Variants in SNX9 observed in about 807,000 individuals in gnomAD.
The protein encoded by SNX9 is sorting nexin 9, also known as sorting nexin-9.
Under a neutral mutation model 89.4 loss-of-function variants are expected in SNX9, and 44 were observed. The ratio of observed to expected loss-of-function variants is 0.49; its 90% CI spans 0.39 to 0.63. SNX9 has a LOEUF of 0.63. Among genes scored for constraint, SNX9 ranks in the 30% least tolerant of loss-of-function variants. The pLI, the probability that SNX9 is intolerant of heterozygous loss-of-function variation, is 0.00. For synonymous variants in SNX9, 236 were observed against 247.8 expected, an observed-to-expected ratio of 0.95 and a Z score of 0.45; for missense variants, 578 against 736.1, an observed-to-expected ratio of 0.79 and a Z score of 2.49.
chr6:157,935,144 C>T (rs1486866285), intron 13 of SNX9, among the ~76,000 whole-genome samples: 1 of 152,200 alleles, frequency 6.6e-6, no homozygotes, highest in Non-Finnish European at 1.5e-5. Context: ...GAATTAAGCA[C>T]TTAACCTGCT....
intron 5 of SNX9, among the ~76,000 whole-genome samples, chr6:157,899,305 C>T (rs1185924746): frequency 1.3e-5 from 2 of 152,126 alleles, no homozygotes; most frequent in Non-Finnish European, 2.9e-5. Context: ...AGCTGCTTTT[C>T]AAAGTTCTGT....
chr6:157,929,939 A>G (rs1269648518), intron 12 of SNX9, among the ~76,000 whole-genome samples: 1 of 152,194 alleles, frequency 6.6e-6, no homozygotes, highest in East Asian at 1.9e-4. Flanking sequence ...CTTGCCACTT[A>G]TTTTGTAAAT....
intron 4 of SNX9, among the ~76,000 whole-genome samples, chr6:157,887,507 C>A (rs1384497486): frequency 6.6e-6 from 1 of 152,214 alleles, no homozygotes; most frequent in Non-Finnish European, 1.5e-5. Flanking sequence ...ACCACAGAGA[C>A]CGCCGAGCTT....
At chr6:157,827,013 G>C (rs1781377564) in intron 1 of SNX9, among the ~76,000 whole-genome samples, 1 of 22,308 alleles carries the variant, frequency 4.5e-5, no homozygotes, top group Non-Finnish European at 6.3e-5. Flanking sequence ...ATATATTATA[G>C]TTTATATAAT....
At chr6:157,880,413 A>T (rs1295133347) in intron 4 of SNX9, among the ~76,000 whole-genome samples, 14 of 151,066 alleles carry the variant, frequency 9.3e-5, no homozygotes, top group Non-Finnish European at 1.6e-4. Flanking sequence ...ATTCCCTTAT[A>T]AAGTGTCTCT....
At chr6:157,925,047 TTAGAC>T (rs1434489765) in intron 10 of SNX9, among the ~76,000 whole-genome samples, 1 of 152,142 alleles carries the variant, frequency 6.6e-6, no homozygotes, top group Non-Finnish European at 1.5e-5. Flanking sequence ...TGTGGATAAA[TTAGAC>T]TACATTAGAA....
chr6:157,902,421 G>A (rs886085355), intron 6 of SNX9, among the ~76,000 whole-genome samples: 6 of 152,088 alleles, frequency 3.9e-5, no homozygotes, highest in Non-Finnish European at 7.4e-5. Flanking sequence ...CTTGCCATGT[G>A]CCAGGCATTG....
rs1358823850 is a variant in SNX9 at position 157,851,501 on chromosome 6, C to T, written c.13-16046C>T. On this transcript the variant is annotated intron_variant, in intron 1 of 17. Transcript: ENST00000392185. ...TGCATTAAACAATAACTCCCCATTTCCCACTCCCTGTAGCCCCTGGTAACC... is the reference window on the plus strand; with the variant it reads ...TGCATTAAACAATAACTCCCCATTTTCCACTCCCTGTAGCCCCTGGTAACC... 5.9e-5 allele frequency among the ~76,000 whole-genome samples: 9 copies of T among 152,148 alleles called. No homozygotes were observed. The South Asian group carries it at 1.2e-3, about 21-fold the overall frequency.
At position 157,856,830 on chromosome 6, in the gene SNX9, T is replaced by C. The variant is rs536696610; in HGVS notation, c.13-10717T>C. ...ATTCACATTCTTTTTTTTTCAAGTA[T>C]ATTTCATAAGCAGGATTGTATTCCA... On this transcript the variant is annotated intron_variant, in intron 1 of 17. Coordinates refer to ENST00000392185, the MANE Select transcript of SNX9 (RefSeq NM_016224.5). Among the ~76,000 whole-genome samples the C allele has an allele frequency of 9.3e-4, 142 of 152,296 alleles. 1 individual carries two copies. Among genetic ancestry groups the C allele is most frequent in the Admixed American group, 1.0e-3 (16 of 15,298 alleles).
At chr6:157,895,195 A>T (rs929112216) in intron 4 of SNX9, among the ~76,000 whole-genome samples, 8 of 152,234 alleles carry the variant, frequency 5.3e-5, no homozygotes, top group African/African-American at 1.7e-4. Context: ...GAACTGTGGG[A>T]CACAGTTTGT....
intron 4 of SNX9, among the ~76,000 whole-genome samples, chr6:157,882,673 A>G (rs544319480): frequency 6.6e-6 from 1 of 152,204 alleles, no homozygotes; most frequent in Non-Finnish European, 1.5e-5. Context: ...TGAAGGAAGT[A>G]ACTGCAGATG....
chr6:157,901,973 C>T lies in SNX9; in HGVS notation c.548C>T (p.Ser183Leu). The T allele has an allele frequency of 6.2e-7, 1 of 1,613,638 alleles. No individual in the cohort carries two copies. The highest frequency in any genetic ancestry group is 1.7e-4 in the Middle Eastern group (1 of 6,060). ...KSSSYFKDSESADAGGAQRGN... is the reference protein window; with the variant it reads ...KSSSYFKDSELADAGGAQRGN... ...TCTTCCTACTTTAAGGATTCAGAGTCAGCTGATGCAGGCGGCGCTCAGCGA... is the reference window on the plus strand; with the variant it reads ...TCTTCCTACTTTAAGGATTCAGAGTTAGCTGATGCAGGCGGCGCTCAGCGA... Residue 183 changes from serine (S) to leucine (L), a missense_variant, in exon 6 of 18, where the codon TCA (serine) becomes TTA (leucine). Physicochemically the swap from Ser to Leu is moderately radical, Grantham distance 145 (BLOSUM62 -2). Around this residue, in one of 2 missense-constraint regions of SNX9, gnomAD observed 230 missense variants for 244.7 expected, o/e 0.94. Coordinates refer to ENST00000392185, the MANE Select transcript of SNX9 (RefSeq NM_016224.5).
chr6:157,868,396 G>C (rs1782311531), intron 2 of SNX9, among the ~76,000 whole-genome samples: 1 of 152,012 alleles, frequency 6.6e-6, no homozygotes, highest in Non-Finnish European at 1.5e-5. Context: ...TATATAACTG[G>C]GTTTATTATG....
intron 1 of SNX9, among the ~76,000 whole-genome samples, chr6:157,828,194 T>C (rs1781417094): frequency 7.1e-6 from 1 of 141,624 alleles, no homozygotes; most frequent in East Asian, 1.9e-4. Flanking sequence ...TAGTATTTTC[T>C]ATGTGTCTTA....
At chr6:157,887,551 G>A (rs1782761854) in intron 4 of SNX9, among the ~76,000 whole-genome samples, 1 of 152,118 alleles carries the variant, frequency 6.6e-6, no homozygotes, top group Admixed American at 6.5e-5. Context: ...CCGTGTCCTG[G>A]AGAGTCTCTC....
At chr6:157,914,491 T>TTTTTC (rs1783421546) in intron 9 of SNX9, among the ~76,000 whole-genome samples, 16 of 145,012 alleles carry the variant, frequency 1.1e-4, no homozygotes, top group African/African-American at 4.1e-4. Context: ...TTTTTTTTTT[T>TTTTTC]TGGAGACAGG....
At chr6:157,861,809 TA>T (rs1415990737) in intron 1 of SNX9, among the ~76,000 whole-genome samples, 1 of 152,198 alleles carries the variant, frequency 6.6e-6, no homozygotes, top group Non-Finnish European at 1.5e-5. Context: ...TGCACAAGAA[TA>T]ACTAATAATA....
intron 1 of SNX9, among the ~76,000 whole-genome samples, chr6:157,865,431 G>A (rs1281399901): frequency 6.6e-6 from 1 of 151,004 alleles, no homozygotes; most frequent in African/African-American, 2.5e-5. Flanking sequence ...CAGCATGGCT[G>A]CTTTGTTCTT....
intron 1 of SNX9, among the ~76,000 whole-genome samples, chr6:157,844,640 C>CAACAG (rs1231934750): frequency 7.0e-6 from 1 of 143,446 alleles, no homozygotes; most frequent in Non-Finnish European, 1.5e-5. Flanking sequence ...GTTGCCCAGG[C>CAACAG]TGGAGTGCAG....
Sources: gnomAD v4.1 joint callset for allele counts (sites outside exome capture counted in the v4.1 genomes callset) on GRCh38, gnomAD v4.1.1 for gene constraint, gnomAD v4.1.1 regional missense constraint, MANE v1.5 for transcripts, NCBI Gene and HGNC (gene_info 2026-07-23, HGNC 2026-07-21) for gene names.